PRTG: variants seen among roughly 807,000 people sequenced by gnomAD.
The protein encoded by PRTG is protogenin.
PRTG carries 67 observed loss-of-function variants against 122.5 expected under a neutral mutation model. The ratio of observed to expected loss-of-function variants is 0.55; its 90% CI spans 0.45 to 0.67. The LOEUF (loss-of-function observed/expected upper bound fraction) is 0.67. Among genes scored for constraint, PRTG ranks in the 30% least tolerant of loss-of-function variants. PRTG has a pLI of 0.00. For synonymous variants in PRTG, 554 were observed against 501.1 expected (o/e 1.11, Z -1.41); for missense variants, 1,435 against 1,415.4 (o/e 1.01, Z -0.22).
At chr15:55,741,080 A>T (rs563345747) in intron 1 of PRTG, among the ~76,000 whole-genome samples, 27 of 152,140 alleles carry the variant, frequency 1.8e-4, no homozygotes, top group African/African-American at 5.8e-4. Context: ...CATTAGCAAA[A>T]CTCCAACTCT....
At position 55,629,002 on chromosome 15, in the gene PRTG, C is replaced by G. The variant is rs1173752101; in HGVS notation, c.2626G>C (p.Ala876Pro). ...GEWQVLHREGAITMALLENLV... is the reference protein window; with the variant it reads ...GEWQVLHREGPITMALLENLV... ...TTTTCTAGCAAAGCCATGGTTATTGCCCCTAGAAATACATCAATTACAAAT... is the reference window on the plus strand; with the variant it reads ...TTTTCTAGCAAAGCCATGGTTATTGGCCCTAGAAATACATCAATTACAAAT... The change falls in exon 16 of 20, where the codon GCA becomes CCA. Residue 876 changes from alanine to proline, a missense_variant and splice_region_variant. By Grantham distance (27) the Ala-to-Pro change is conservative (BLOSUM62 -1). Transcript: ENST00000389286. The G allele has an allele frequency of 1.3e-6, 2 of 1,599,578 alleles. No homozygotes were observed. Among genetic ancestry groups the G allele is most frequent in the Admixed American group, 1.7e-5 (1 of 59,262 alleles).
chr15:55,730,160 G>A (rs372868082), intron 2 of PRTG, among the ~76,000 whole-genome samples: 2 of 151,932 alleles, frequency 1.3e-5, no homozygotes, highest in African/African-American at 2.4e-5. Context: ...GGAGTGCAGC[G>A]GCATGACCTC....
At chr15:55,653,961 A>G (rs1011477002) in intron 11 of PRTG, among the ~76,000 whole-genome samples, 2 of 152,276 alleles carry the variant, frequency 1.3e-5, no homozygotes, top group South Asian at 2.1e-4. Flanking sequence ...TTTTTTGACA[A>G]ATGTATTACC....
At chr15:55,731,844 TAC>T (rs1217447183) in intron 2 of PRTG, among the ~76,000 whole-genome samples, 1 of 152,212 alleles carries the variant, frequency 6.6e-6, no homozygotes, top group Non-Finnish European at 1.5e-5. Context: ...ACCAGACATA[TAC>T]AGTCTTGCAT....
At chr15:55,707,899 T>C (rs1388517694) in intron 2 of PRTG, among the ~76,000 whole-genome samples, 2 of 152,298 alleles carry the variant, frequency 1.3e-5, no homozygotes, top group South Asian at 2.1e-4. Context: ...CACCACCTTA[T>C]GCAAATTTTC....
chr15:55,743,061 G>C lies in PRTG; in HGVS notation c.-130C>G. 2 of 1,301,670 alleles carry C rather than the reference G, an allele frequency of 1.5e-6. No individual in the cohort carries two copies. Among genetic ancestry groups the C allele is most frequent in the African/African-American group, 1.6e-5 (1 of 64,408 alleles). The allele number at this position is 1,301,670 out of a possible 1,614,324, so 80.6% of individuals were successfully genotyped here. A position where few individuals can be genotyped will look rare whatever the true frequency, so the allele number is the denominator to read the frequency against. The stretch of plus-strand genomic sequence containing the variant: ...GGCTCCCCGCTCCGGCTCCGGCACC[G>C]GCGTGGCGAGCGTCTCTGCGGCGGC... On this transcript the variant is annotated 5_prime_UTR_variant, in exon 1 of 20. Transcript: ENST00000389286.
At chr15:55,680,749 A>C in intron 4 of PRTG, 121 bp from the exon 5 acceptor site, 1 of 552,580 alleles carries the variant, frequency 1.8e-6, no homozygotes, top group Non-Finnish European at 2.8e-6. Context: ...TTATTGAGAT[A>C]TAACTCACAT....
At chr15:55,713,569 GCTTT>G (rs1195412454) in intron 2 of PRTG, among the ~76,000 whole-genome samples, 1 of 152,096 alleles carries the variant, frequency 6.6e-6, no homozygotes, top group African/African-American at 2.4e-5. Context: ...ATTTCCATCA[GCTTT>G]CTTTGCCATC....
At chr15:55,699,381 A>G (rs972376449) in intron 2 of PRTG, among the ~76,000 whole-genome samples, 1 of 152,208 alleles carries the variant, frequency 6.6e-6, no homozygotes, top group Admixed American at 6.5e-5. Context: ...CTAAAGCCCA[A>G]GAGTAAGAAA....
At chr15:55,657,794 CTTTA>C (rs1375639563) in intron 11 of PRTG, among the ~76,000 whole-genome samples, 2 of 152,072 alleles carry the variant, frequency 1.3e-5, no homozygotes, top group South Asian at 2.1e-4. Flanking sequence ...ATTTTCCAGT[CTTTA>C]TTTATCTTTG....
intron 13 of PRTG, 44 bp downstream of exon 13, chr15:55,639,598 G>A (rs1233966042): frequency 1.1e-5 from 17 of 1,548,098 alleles, no homozygotes; most frequent in Non-Finnish European, 1.5e-5. Context: ...GTGGGGGTGT[G>A]GTGAGGTAAG....
intron 12 of PRTG, 95 bp from the exon 13 acceptor site, chr15:55,639,923 T>G (rs935427419): frequency 5.8e-5 from 88 of 1,505,654 alleles, no homozygotes; most frequent in Non-Finnish European, 7.3e-5. Context: ...ACCCTATAAG[T>G]TGATTTTAGG....
intron 12 of PRTG, among the ~76,000 whole-genome samples, chr15:55,640,765 T>A (rs910664590): frequency 3.3e-5 from 5 of 152,010 alleles, no homozygotes; most frequent in African/African-American, 1.2e-4. Flanking sequence ...ATCCCAGCAC[T>A]TTGGGAGGCC....
intron 11 of PRTG, among the ~76,000 whole-genome samples, chr15:55,648,706 G>A (rs1206862128): frequency 6.6e-6 from 1 of 152,150 alleles, no homozygotes; most frequent in African/African-American, 2.4e-5. Context: ...AATTGCTTAA[G>A]TTTCACCAAA....
In PRTG at chr15:55,680,058, T is replaced by C. The variant is rs1191275280; in HGVS notation, c.969A>G (p.Val323=). 2 of 1,613,228 alleles carry C rather than the reference T, an allele frequency of 1.2e-6. No homozygotes were observed. The highest frequency in any genetic ancestry group is 1.7e-6 in the Non-Finnish European group (2 of 1,179,350). Residue 323 remains valine, a synonymous_variant, in exon 6 of 20, where the codon GTA becomes GTG. Transcript: ENST00000389286. ...NFTVAMATLT[V]LAPPSFVEWP... is the part of the protein sequence containing the mutation. ...TGCAGAATGAAAGGAACATACCTAA[T>C]ACAGTTAAAGTTGCCATAGCAACTG...
At chr15:55,742,629 C>T in intron 1 of PRTG, 1 of 579,134 alleles carries the variant, frequency 1.7e-6, no homozygotes. Flanking sequence ...CGCAGCCCTG[C>T]CCAAGCAGCG....
At chr15:55,703,054 T>G (rs959051060) in intron 2 of PRTG, 8 of 380,818 alleles carry the variant, frequency 2.1e-5, no homozygotes, top group Non-Finnish European at 2.5e-5. Flanking sequence ...CTAGAACCAG[T>G]TGGTCTGTTC....
At chr15:55,622,093 G>A (rs969166936) in intron 18 of PRTG, among the ~76,000 whole-genome samples, 1 of 151,708 alleles carries the variant, frequency 6.6e-6, no homozygotes, top group Non-Finnish European at 1.5e-5. Context: ...CTACCTCTCT[G>A]CTCCTTTCAC....
At chr15:55,621,552 G>A (rs1030836018) in intron 18 of PRTG, among the ~76,000 whole-genome samples, 1 of 150,068 alleles carries the variant, frequency 6.7e-6, no homozygotes, top group African/African-American at 2.5e-5. Flanking sequence ...CCAGCTGCTG[G>A]GGAGGCTGAG....
Sources: gnomAD v4.1 joint callset for allele counts (sites outside exome capture counted in the v4.1 genomes callset) on GRCh38, gnomAD v4.1.1 for gene constraint, MANE v1.5 for transcripts, NCBI Gene and HGNC (gene_info 2026-07-23, HGNC 2026-07-21) for gene names.